Variants in PARP8 observed in about 807,000 individuals in gnomAD.
The protein encoded by PARP8 is protein mono-ADP-ribosyltransferase PARP8.
A neutral mutation model predicts 124.1 loss-of-function variants in PARP8; 51 were observed. The observed-to-expected ratio is 0.41, with a 90% CI of 0.33 to 0.52. PARP8 has a LOEUF of 0.52. Ranked by LOEUF, PARP8 falls within the 20% of genes least tolerant of loss-of-function variation. The probability of loss-of-function intolerance (pLI) is 0.21; values close to 1 mark genes in which losing one functional copy is unlikely to be tolerated. For missense variants in PARP8, 860 were observed against 1,018.9 expected, an observed-to-expected ratio of 0.84 and a Z score of 2.12; for synonymous variants, 391 against 361.5, an observed-to-expected ratio of 1.08 and a Z score of -0.93.
intron 2 of PARP8, among the ~76,000 whole-genome samples, chr5:50,710,558 T>G (rs1270036802): frequency 6.6e-6 from 1 of 152,148 alleles, no homozygotes; most frequent in Non-Finnish European, 1.5e-5. Context: ...GAGATTAGAA[T>G]GGGTTCAACA....
At chr5:50,787,606 G>C (rs1439245344) in intron 9 of PARP8, among the ~76,000 whole-genome samples, 1 of 151,906 alleles carries the variant, frequency 6.6e-6, no homozygotes, top group Non-Finnish European at 1.5e-5. Context: ...CTGGACTTCA[G>C]ACTTCATGGG....
intron 14 of PARP8, among the ~76,000 whole-genome samples, chr5:50,801,682 C>A (rs1382593755): frequency 1.3e-5 from 2 of 152,092 alleles, no homozygotes; most frequent in African/African-American, 2.4e-5. Context: ...CTTTCAAATT[C>A]ATTTATTCTT....
intron 2 of PARP8, among the ~76,000 whole-genome samples, chr5:50,744,184 T>C (rs1456251967): frequency 6.6e-6 from 1 of 152,216 alleles, no homozygotes; most frequent in Non-Finnish European, 1.5e-5. Context: ...TAAATTCCAA[T>C]CTTTATTACA....
At position 50,804,142 on chromosome 5, in the gene PARP8, C is replaced by T. The variant is rs536543111; in HGVS notation, c.1575+6909C>T. Among the ~76,000 whole-genome samples, 15 of 152,248 alleles carry T rather than the reference C, an allele frequency of 9.9e-5. No individual in the cohort carries two copies. In the South Asian group the frequency reaches 2.1e-3, roughly 21 times the overall value. On this transcript the variant is annotated intron_variant, in intron 14 of 25. Transcript: ENST00000281631. ...TCTTTTCCCAATCCTTTCTTCTAAG[C>T]TTTTTGATTATTCTGTTGTTTGCCT... is the stretch of plus-strand genomic sequence containing the variant.
Position 50,706,962 on chromosome 5 carries a change from A to G in PARP8, c.146+38837A>G, listed in dbSNP as rs141584710. ...AATTTTCATATACTAGCACGCATATATCTTGCTTATGGAAATCATTACTCA... is the reference window on the plus strand; with the variant it reads ...AATTTTCATATACTAGCACGCATATGTCTTGCTTATGGAAATCATTACTCA... On this transcript the variant is annotated intron_variant, in intron 2 of 25. Coordinates refer to ENST00000281631, the MANE Select transcript of PARP8 (RefSeq NM_024615.4). Among the ~76,000 whole-genome samples, 490 of 152,164 alleles carry G rather than the reference A, an allele frequency of 3.2e-3. 1 individual carries two copies. Among genetic ancestry groups the G allele is most frequent in the African/African-American group, 1.0e-2 (415 of 41,548 alleles).
chr5:50,713,095 T>C (rs1561278499), intron 2 of PARP8, among the ~76,000 whole-genome samples: 1 of 152,070 alleles, frequency 6.6e-6, no homozygotes, highest in Non-Finnish European at 1.5e-5. Flanking sequence ...GTATATTAAT[T>C]GTGCTTTATT....
At chr5:50,670,480 A>G (rs1280274414) in intron 2 of PARP8, among the ~76,000 whole-genome samples, 4 of 152,238 alleles carry the variant, frequency 2.6e-5, no homozygotes, top group Non-Finnish European at 4.4e-5. Flanking sequence ...AAAAATAATA[A>G]TTTTGTTCTA....
At chr5:50,819,140 A>C (rs1397609962) in intron 15 of PARP8, among the ~76,000 whole-genome samples, 1 of 152,160 alleles carries the variant, frequency 6.6e-6, no homozygotes, top group Admixed American at 6.5e-5. Flanking sequence ...AAGGAGTTGG[A>C]AACTTTGGTG....
chr5:50,683,861 T>C (rs1331142668), intron 2 of PARP8, among the ~76,000 whole-genome samples: 3 of 152,218 alleles, frequency 2.0e-5, no homozygotes, highest in Non-Finnish European at 4.4e-5. Flanking sequence ...AAAATATAGC[T>C]AAGTAGAAAT....
chr5:50,789,358 T>C (rs1396381977), intron 10 of PARP8, among the ~76,000 whole-genome samples: 1 of 152,142 alleles, frequency 6.6e-6, no homozygotes, highest in African/African-American at 2.4e-5. Flanking sequence ...ACACAAGAAT[T>C]GGCTCTCAAA....
rs537781501 is a variant in PARP8 at position 50,692,874 on chromosome 5, C to T, written c.146+24749C>T. The stretch of plus-strand genomic sequence containing the variant: ...TTATGTATAATTATTGGTTTTCCTG[C>T]CTGTATTCATTCATCTCTTCACTGA... On this transcript the variant is annotated intron_variant, in intron 2 of 25. Coordinates refer to ENST00000281631, the MANE Select transcript of PARP8 (RefSeq NM_024615.4). 1.0e-3 allele frequency among the ~76,000 whole-genome samples: 155 copies of T among 152,150 alleles called. 1 individual carries two copies. The highest frequency in any genetic ancestry group is 3.7e-3 in the African/African-American group (153 of 41,506).
chr5:50,705,454 T>C (rs564820108), intron 2 of PARP8, among the ~76,000 whole-genome samples: 5 of 152,212 alleles, frequency 3.3e-5, no homozygotes, highest in Non-Finnish European at 7.4e-5. Flanking sequence ...ATAAATGATA[T>C]GGAGAAAACC....
chr5:50,705,390 A>G (rs1424710343), intron 2 of PARP8, among the ~76,000 whole-genome samples: 1 of 152,242 alleles, frequency 6.6e-6, no homozygotes, highest in Admixed American at 6.5e-5. Flanking sequence ...AAGATTAAAA[A>G]TAATAGTGTC....
chr5:50,717,319 C>T (rs1755417325), intron 2 of PARP8, among the ~76,000 whole-genome samples: 1 of 151,212 alleles, frequency 6.6e-6, no homozygotes, highest in South Asian at 2.1e-4. Flanking sequence ...ATGAGACTTA[C>T]GATGGAATGG....
intron 2 of PARP8, among the ~76,000 whole-genome samples, chr5:50,671,372 G>A (rs1749989150): frequency 6.6e-6 from 1 of 152,174 alleles, no homozygotes; most frequent in African/African-American, 2.4e-5. Context: ...AAGCCAAGGA[G>A]AGAGCAAGTG....
chr5:50,737,388 TA>T (rs984221824), intron 2 of PARP8, among the ~76,000 whole-genome samples: 12 of 152,170 alleles, frequency 7.9e-5, no homozygotes, highest in African/African-American at 2.9e-4. Context: ...CCTGTGAAAA[TA>T]ACTATATTTG....
intron 9 of PARP8, among the ~76,000 whole-genome samples, chr5:50,782,031 CAAG>C (rs1018681040): frequency 8.5e-5 from 13 of 152,292 alleles, no homozygotes; most frequent in African/African-American, 2.9e-4. Flanking sequence ...GGTCTGGGGT[CAAG>C]AAGAAGGCAG....
intron 10 of PARP8, 54 bp from the exon 11 acceptor site, chr5:50,794,153 A>G: frequency 1.3e-6 from 2 of 1,558,178 alleles, no homozygotes; most frequent in African/African-American, 1.4e-5. Context: ...ATACAGTAAC[A>G]TTAATTGAAA....
At position 50,795,104 on chromosome 5, in the gene PARP8, A is replaced by G; in HGVS notation, c.1115A>G (p.Lys372Arg). ...AACCGTCCTTGCCCTGCAGCTGTTA[A>G]GTCAGAGGAATGCCTAACTCTAAAG... is the stretch of plus-strand genomic sequence containing the variant. ...LLNRPCPAAV[K>R]SEECLTLKSH... Residue 372 changes from lysine to arginine, a missense_variant, in exon 12 of 26, where the codon AAG (lysine) becomes AGG (arginine). By Grantham distance (26) the Lys-to-Arg change is conservative. Around this residue, in one of 2 missense-constraint regions of PARP8, gnomAD observed 517 missense variants for 544.2 expected, o/e 0.95. Transcript: ENST00000281631. The G allele has an allele frequency of 6.2e-7, 1 of 1,614,206 alleles. No individual in the cohort carries two copies. Among genetic ancestry groups the G allele is most frequent in the Non-Finnish European group, 8.5e-7 (1 of 1,180,030 alleles).
Sources: gnomAD v4.1 joint callset for allele counts (sites outside exome capture counted in the v4.1 genomes callset) on GRCh38, gnomAD v4.1.1 for gene constraint, gnomAD v4.1.1 regional missense constraint, MANE v1.5 for transcripts, NCBI Gene and HGNC (gene_info 2026-07-23, HGNC 2026-07-21) for gene names.